CRISPLD1: variants seen among roughly 807,000 people sequenced by gnomAD.
CRISPLD1 encodes cysteine-rich secretory protein LCCL domain-containing 1.
In CRISPLD1, 60 loss-of-function variants were observed where a neutral mutation model predicts 77.5. That is an observed-to-expected ratio of 0.77 (90% CI 0.63 to 0.96). The LOEUF is 0.96. Among genes scored for constraint, CRISPLD1 ranks in the 40% least tolerant of loss-of-function variants. The probability of loss-of-function intolerance (pLI) is 0.00; values close to 1 mark genes in which losing one functional copy is unlikely to be tolerated. For missense variants in CRISPLD1, 623 were observed against 615.8 expected (o/e 1.01, Z -0.12); for synonymous variants, 195 against 200.1 (o/e 0.97, Z 0.22).
intron 10 of CRISPLD1, 43 bp downstream of exon 10, chr8:75,017,493 G>A (rs1447801395): frequency 6.6e-7 from 1 of 1,515,974 alleles, no homozygotes; most frequent in East Asian, 2.4e-5. Context: ...ATTTTAAATT[G>A]TAACAGTGAG....
At chr8:74,989,507 A>C (rs774261967) in intron 2 of CRISPLD1, among the ~76,000 whole-genome samples, 1 of 151,670 alleles carries the variant, frequency 6.6e-6, no homozygotes, top group African/African-American at 2.4e-5. Flanking sequence ...AAATGAAAGA[A>C]TATAAACCTT....
chr8:74,993,426 T>C (rs1812603670), intron 2 of CRISPLD1, among the ~76,000 whole-genome samples: 1 of 152,224 alleles, frequency 6.6e-6, no homozygotes, highest in Admixed American at 6.5e-5. Flanking sequence ...TTATTCTGAA[T>C]TTAAAATAGC....
In CRISPLD1 at chr8:74,999,483, A is replaced by C. The variant is rs147253731; in HGVS notation, c.259-12950A>C. On this transcript the variant is annotated intron_variant, in intron 2 of 14. Coordinates refer to ENST00000262207, the MANE Select transcript of CRISPLD1 (RefSeq NM_031461.6). ...TACTCAAACTTTAATGTGCCTATGA[A>C]TCCCCTGGGAATCTTGTTAAAATAC... Among the ~76,000 whole-genome samples, 1,465 of 152,284 alleles carry C rather than the reference A, an allele frequency of 9.6e-3. 13 individuals carry two copies. The highest frequency in any genetic ancestry group is 0.042 in the East Asian group (216 of 5,162).
intron 2 of CRISPLD1, among the ~76,000 whole-genome samples, chr8:74,997,911 A>AGAGAATGG (rs1183603745): frequency 8.5e-5 from 13 of 152,200 alleles, no homozygotes; most frequent in African/African-American, 2.4e-4. Flanking sequence ...GCAGATAAGA[A>AGAGAATGG]GAGAATGGGA....
At position 75,017,556 on chromosome 8, in the gene CRISPLD1, T is replaced by C. The variant is rs1813056873; in HGVS notation, c.1127+106T>C. 4 of 1,020,588 alleles carry C rather than the reference T, an allele frequency of 3.9e-6. No homozygotes were observed. In the South Asian group the frequency reaches 8.3e-5, roughly 21 times the overall value. The allele number at this position is 1,020,588 out of a possible 1,614,324, so 63.2% of individuals were successfully genotyped here. ...ATAGAATAATTTAAGAAGAAAGAAT[T>C]TGGTTATTTTCAAGGTTCATTTTAG... On this transcript the variant is annotated intron_variant, in intron 10 of 14. Transcript: ENST00000262207.
At chr8:75,024,104 C>T (rs1307521328) in intron 12 of CRISPLD1, among the ~76,000 whole-genome samples, 1 of 152,056 alleles carries the variant, frequency 6.6e-6, no homozygotes, top group African/African-American at 2.4e-5. Context: ...AAGGCAGAAG[C>T]CTATTGTGTG....
intron 3 of CRISPLD1, 112 bp from the exon 4 acceptor site, chr8:75,012,778 T>C: frequency 1.6e-6 from 2 of 1,232,030 alleles, no homozygotes; most frequent in South Asian, 3.0e-5. Context: ...TTAAGTTTAA[T>C]AGTTTACGCC....
At chr8:75,025,651 C>T (rs1813220869) in intron 13 of CRISPLD1, 30 bp downstream of exon 13, 4 of 1,105,222 alleles carry the variant, frequency 3.6e-6, no homozygotes, top group Non-Finnish European at 5.5e-6. Context: ...CAGCTGTCAA[C>T]ATTCATGTAT....
intron 2 of CRISPLD1, among the ~76,000 whole-genome samples, chr8:75,003,350 T>A (rs1812777756): frequency 6.6e-6 from 1 of 152,208 alleles, no homozygotes; most frequent in South Asian, 2.1e-4. Flanking sequence ...GTTTTTCACT[T>A]TTTAGATCTT....
At chr8:74,990,065 A>G (rs1448829870) in intron 2 of CRISPLD1, among the ~76,000 whole-genome samples, 1 of 152,190 alleles carries the variant, frequency 6.6e-6, no homozygotes, top group Non-Finnish European at 1.5e-5. Flanking sequence ...GCACATGGAC[A>G]TAGGAAGTGG....
chr8:74,987,254 C>A (rs1440330224), intron 2 of CRISPLD1, among the ~76,000 whole-genome samples: 1 of 152,086 alleles, frequency 6.6e-6, no homozygotes, highest in Non-Finnish European at 1.5e-5. Flanking sequence ...AATTATTTTA[C>A]CCTAAAGAAA....
intron 4 of CRISPLD1, 79 bp downstream of exon 4, chr8:75,013,101 G>T: frequency 8.1e-7 from 1 of 1,237,852 alleles, no homozygotes; most frequent in South Asian, 2.6e-5. Context: ...TAGTGAACTT[G>T]TCTTTCTTAT....
intron 2 of CRISPLD1, among the ~76,000 whole-genome samples, chr8:75,009,447 A>G (rs1812891715): frequency 6.6e-6 from 1 of 151,810 alleles, no homozygotes; most frequent in Admixed American, 6.6e-5. Context: ...AAGAGGGGGG[A>G]ATTCAACTCC....
chr8:75,029,535 G>A lies in CRISPLD1; in HGVS notation c.1451+18G>A, dbSNP rs188580522. On this transcript the variant is annotated intron_variant, in intron 14 of 14. Transcript: ENST00000262207. ...TCAGAAAGGTAAAAACAAAACATAT[G>A]TATGTATACTTTTAAATACCATCTA... 1.8e-5 allele frequency: 29 copies of A among 1,605,554 alleles called. No individual in the cohort carries two copies. The highest frequency in any genetic ancestry group is 2.2e-5 in the South Asian group (2 of 90,756).
At chr8:75,021,324 A>T (rs1288534040) in intron 12 of CRISPLD1, among the ~76,000 whole-genome samples, 1 of 152,162 alleles carries the variant, frequency 6.6e-6, no homozygotes, top group Non-Finnish European at 1.5e-5. Flanking sequence ...TACAGATGTG[A>T]TATAAACAAT....
chr8:75,025,128 A>G (rs183747067), intron 12 of CRISPLD1, among the ~76,000 whole-genome samples: 3 of 152,352 alleles, frequency 2.0e-5, no homozygotes, highest in Non-Finnish European at 2.9e-5. Context: ...AATTAAAACT[A>G]TGAAATTGGA....
chr8:75,030,931 T>C (rs1046607441), intron 14 of CRISPLD1, among the ~76,000 whole-genome samples: 1 of 151,992 alleles, frequency 6.6e-6, no homozygotes. Flanking sequence ...CATATACATA[T>C]ATATATGTTA....
At chr8:75,004,926 C>T (rs1812803160) in intron 2 of CRISPLD1, among the ~76,000 whole-genome samples, 1 of 152,018 alleles carries the variant, frequency 6.6e-6, no homozygotes, top group South Asian at 2.1e-4. Flanking sequence ...CTGTTTTTAA[C>T]TTTTTATTAA....
chr8:75,016,851 T>C, intron 7 of CRISPLD1, 30 bp from the exon 8 acceptor site: 2 of 1,536,482 alleles, frequency 1.3e-6, no homozygotes, highest in Non-Finnish European at 8.8e-7. Context: ...TTATATTATT[T>C]AAGTTATTTA....
Sources: allele counts gnomAD v4.1 joint callset (sites outside exome capture counted in the v4.1 genomes callset), GRCh38; gene constraint gnomAD v4.1.1; transcripts MANE v1.5; gene names NCBI Gene and HGNC (gene_info 2026-07-23, HGNC 2026-07-21).